The following GBP2 variants were observed in gnomAD, a reference collection of about 807,000 sequenced individuals.
GBP2 encodes the protein guanylate binding protein 2, also known as guanylate-binding protein 2.
A neutral mutation model predicts 60.8 loss-of-function variants in GBP2; 54 were observed. That is an observed-to-expected ratio of 0.89 (90% confidence interval 0.71 to 1.11). The LOEUF (loss-of-function observed/expected upper bound fraction) is 1.11. Among genes scored for constraint, GBP2 ranks in the 50% most tolerant of loss-of-function variants. The probability of loss-of-function intolerance (pLI) is 0.00; values close to 1 mark genes in which losing one functional copy is unlikely to be tolerated. For missense variants in GBP2, 665 were observed against 703.3 expected, an observed-to-expected ratio of 0.95 and a Z score of 0.62; for synonymous variants, 243 against 256.5, an observed-to-expected ratio of 0.95 and a Z score of 0.50.
At chr1:89,119,914 G>T in intron 4 of GBP2, 1 of 388,068 alleles carries the variant, frequency 2.6e-6, no homozygotes, top group African/African-American at 2.1e-5. Context: ...AGAGGACATT[G>T]AAGGTTTGGA....
At position 89,107,973 on chromosome 1, in the gene GBP2, A is replaced by G; in HGVS notation, c.*202T>C. ...CATATTAAAAGTTAGTACTATAAAT[A>G]AGCATGAGTTGAATTGCTCTGTAGG... On this transcript the variant is annotated 3_prime_UTR_variant, in exon 11 of 11. Transcript: ENST00000370466. 2.3e-6 allele frequency: 1 copy of G among 439,468 alleles called. No individual in the cohort carries two copies. Among genetic ancestry groups the G allele is most frequent in the South Asian group, 3.1e-5 (1 of 32,646 alleles). 27.2% of individuals were successfully genotyped at this position (439,468 alleles called of 1,614,324 possible). A position where few individuals can be genotyped will look rare whatever the true frequency, so the allele number is the denominator to read the frequency against.
At chr1:89,111,357 A>C (rs1357417705) in intron 8 of GBP2, among the ~76,000 whole-genome samples, 1 of 152,240 alleles carries the variant, frequency 6.6e-6, no homozygotes, top group Non-Finnish European at 1.5e-5. Flanking sequence ...GAAATGAAGA[A>C]GACAAACTCT....
At chr1:89,109,936 C>G in intron 9 of GBP2, 66 bp from the exon 10 acceptor site, 1 of 1,440,402 alleles carries the variant, frequency 6.9e-7, no homozygotes, top group Middle Eastern at 2.0e-4. Context: ...TTTTCCTTTC[C>G]CTCGTTTTTG....
chr1:89,116,389 C>G (rs1226662197), intron 6 of GBP2, among the ~76,000 whole-genome samples: 2 of 152,144 alleles, frequency 1.3e-5, no homozygotes, highest in Non-Finnish European at 2.9e-5. Flanking sequence ...TAAATTATAT[C>G]TCCCTGCCTC....
intron 4 of GBP2, 128 bp from the exon 5 acceptor site, chr1:89,117,901 C>T (rs964463055): frequency 1.3e-5 from 10 of 765,226 alleles, no homozygotes; most frequent in Admixed American, 3.0e-5. Context: ...CATTTATTTA[C>T]AGAATTCATT....
intron 7 of GBP2, chr1:89,112,959 T>C: frequency 2.3e-6 from 1 of 439,208 alleles, no homozygotes; most frequent in Non-Finnish European, 4.1e-6. Flanking sequence ...CATACGAAAC[T>C]TTTATCTTTC....
At chr1:89,118,101 G>A (rs1194786857) in intron 4 of GBP2, 1 of 176,488 alleles carries the variant, frequency 5.7e-6, no homozygotes, top group African/African-American at 2.4e-5. Context: ...AAACGAACTG[G>A]GCAACTAGCT....
Position 89,121,210 on chromosome 1 carries a change from G to T in GBP2, c.251C>A (p.Pro84His), listed in dbSNP as rs756471807. ...GGTGTGTTCTGGCTTCTTGGGATGA[G>T]GCACACACCACATCCAGATTCCCTT... ...HTKGIWMWCV[P>H]HPKKPEHTLV... The change falls in exon 3 of 11, where the codon CCT (proline) becomes CAT (histidine). Residue 84 changes from proline to histidine, a missense_variant. Physicochemically the swap from Pro to His is moderately conservative, Grantham distance 77. Transcript: ENST00000370466. 3.7e-6 allele frequency: 6 copies of T among 1,612,744 alleles called. No individual in the cohort carries two copies. In the East Asian group the frequency reaches 1.1e-4, roughly 30 times the overall value.
chr1:89,118,455 A>C (rs1434168794), intron 4 of GBP2: 1 of 152,226 alleles, frequency 6.6e-6, no homozygotes, highest in Non-Finnish European at 1.5e-5. Context: ...TGGGATATGC[A>C]AGCTCTGTAA....
At chr1:89,120,873 A>G (rs931177475) in intron 3 of GBP2, among the ~76,000 whole-genome samples, 1 of 152,214 alleles carries the variant, frequency 6.6e-6, no homozygotes, top group African/African-American at 2.4e-5. Flanking sequence ...CAGCCTCACC[A>G]AAACATTTTA....
chr1:89,110,747 C>A (rs1681147427), intron 8 of GBP2, among the ~76,000 whole-genome samples: 1 of 152,116 alleles, frequency 6.6e-6, no homozygotes. Context: ...GGATAAAAGA[C>A]TACACACTGG....
At chr1:89,120,994 A>T (rs1359284980) in intron 3 of GBP2, 149 bp downstream of exon 3, 1 of 334,414 alleles carries the variant, frequency 3.0e-6, no homozygotes, top group Non-Finnish European at 5.1e-6. Flanking sequence ...ATACCACACA[A>T]ATTTTAAGAA....
intron 1 of GBP2, among the ~76,000 whole-genome samples, chr1:89,122,948 A>T (rs769403977): frequency 6.6e-6 from 1 of 152,110 alleles, no homozygotes; most frequent in Non-Finnish European, 1.5e-5. Flanking sequence ...TTATTTACTT[A>T]TTTAATCATT....
Position 89,108,023 on chromosome 1 carries a change from C to A in GBP2, c.*152G>T, listed in dbSNP as rs1197290178. Reference sequence around the variant, plus strand: ...GTAAAACATTGACCTCATACTTAACCTTTACTTTGCAAACTTTATGGTTCA... The same window carrying A: ...GTAAAACATTGACCTCATACTTAACATTTACTTTGCAAACTTTATGGTTCA... On this transcript the variant is annotated 3_prime_UTR_variant, in exon 11 of 11. Coordinates refer to ENST00000370466, the MANE Select transcript of GBP2 (RefSeq NM_004120.5). 1.6e-6 allele frequency: 1 copy of A among 607,116 alleles called. No individual in the cohort carries two copies. The highest frequency in any genetic ancestry group is 3.0e-6 in the Non-Finnish European group (1 of 338,424). 37.6% of individuals were successfully genotyped at this position (607,116 alleles called of 1,614,324 possible).
At chr1:89,119,902 C>T in intron 4 of GBP2, 2 of 361,168 alleles carry the variant, frequency 5.5e-6, no homozygotes, top group South Asian at 6.1e-5. Context: ...AACATGAGTT[C>T]TAGAGGACAT....
intron 7 of GBP2, among the ~76,000 whole-genome samples, chr1:89,113,361 CTT>C (rs962530380): frequency 6.6e-6 from 1 of 152,204 alleles, no homozygotes; most frequent in Admixed American, 6.5e-5. Flanking sequence ...CTCAAGATAA[CTT>C]AACTATGAAG....
rs1287595494 is a variant in GBP2 at position 89,106,251 on chromosome 1, A to T, written c.*1924T>A. ...AGTAAAAGGGGAATTGTAAGAAAGA[A>T]TAAAGTTGCTTTTTGCTTTCACAGA... is the stretch of plus-strand genomic sequence containing the variant. On this transcript the variant is annotated 3_prime_UTR_variant, in exon 11 of 11. Transcript: ENST00000370466. 6.6e-6 allele frequency: 1 copy of T among 152,252 alleles called. No homozygotes were observed. The highest frequency in any genetic ancestry group is 2.4e-5 in the African/African-American group (1 of 41,478). 9.4% of individuals were successfully genotyped at this position (152,252 alleles called of 1,614,324 possible). A position where few individuals can be genotyped will look rare whatever the true frequency, so the allele number is the denominator to read the frequency against.
At chr1:89,123,925 G>A (rs1681461505) in intron 1 of GBP2, among the ~76,000 whole-genome samples, 1 of 151,976 alleles carries the variant, frequency 6.6e-6, no homozygotes, top group African/African-American at 2.4e-5. Context: ...AATCTTGTTA[G>A]TTTCTAGTTT....
rs1557440712 is a variant in GBP2 at position 89,117,014 on chromosome 1, AC to A, written c.845del (p.Gly282ValfsTer10). On this transcript the variant is annotated frameshift_variant, in exon 6 of 11. Transcript: ENST00000370466. LOFTEE classifies it high-confidence loss of function. ...CACGAGGCCCATTGACTGGAATGCC[AC>A]CTGAAAGAGTCTTGACATTGGAATG... ...LSHSNVKTLS[G>X]GIPVNGPRLE... 3.7e-6 allele frequency: 6 copies of A among 1,614,018 alleles called. No homozygotes were observed. The highest frequency in any genetic ancestry group is 4.2e-6 in the Non-Finnish European group (5 of 1,179,904).
Sources: allele counts gnomAD v4.1 joint callset (sites outside exome capture counted in the v4.1 genomes callset), GRCh38; gene constraint gnomAD v4.1.1; transcripts MANE v1.5; gene names NCBI Gene and HGNC (gene_info 2026-07-23, HGNC 2026-07-21).